Variants in TNN observed in about 807,000 individuals in gnomAD.
TNN encodes tenascin-N.
In TNN, 122 loss-of-function variants were observed where a neutral mutation model predicts 134.4. That is an observed-to-expected ratio of 0.91 (90% confidence interval 0.78 to 1.06). The LOEUF is 1.06. Among genes scored for constraint, TNN ranks in the 50% least tolerant of loss-of-function variants. The pLI is 0.00. For synonymous variants in TNN, 710 were observed against 670.3 expected, an observed-to-expected ratio of 1.06 and a Z score of -0.91; for missense variants, 1,739 against 1,699.4, an observed-to-expected ratio of 1.02 and a Z score of -0.41.
At chr1:175,109,686 T>C (rs927338027) in intron 9 of TNN, among the ~76,000 whole-genome samples, 13 of 148,830 alleles carry the variant, frequency 8.7e-5, no homozygotes, top group Middle Eastern at 3.6e-3. Flanking sequence ...TATATATATA[T>C]ACACATACAT....
intron 17 of TNN, among the ~76,000 whole-genome samples, chr1:175,141,681 G>A (rs1469583207): frequency 1.3e-5 from 2 of 152,144 alleles, no homozygotes; most frequent in Non-Finnish European, 2.9e-5. Flanking sequence ...CAGCTGCCTG[G>A]GCCATCTTTC....
At chr1:175,119,902 T>C (rs1477604396) in intron 11 of TNN, among the ~76,000 whole-genome samples, 1 of 152,166 alleles carries the variant, frequency 6.6e-6, no homozygotes, top group Non-Finnish European at 1.5e-5. Context: ...CCTCCCAAAG[T>C]GCTGGGATTA....
At chr1:175,105,936 A>T (rs1385069694) in intron 9 of TNN, among the ~76,000 whole-genome samples, 5 of 145,854 alleles carry the variant, frequency 3.4e-5, no homozygotes, top group Admixed American at 6.9e-5. Flanking sequence ...CTGCCCAAGA[A>T]CCTGCAACGG....
At chr1:175,084,693 G>A (rs1005053421) in intron 5 of TNN, among the ~76,000 whole-genome samples, 3 of 152,200 alleles carry the variant, frequency 2.0e-5, no homozygotes, top group Non-Finnish European at 4.4e-5. Flanking sequence ...GACATTTTGG[G>A]GTTCTTAGTG....
At chr1:175,119,739 A>G (rs1377809513) in intron 11 of TNN, among the ~76,000 whole-genome samples, 1 of 144,758 alleles carries the variant, frequency 6.9e-6, no homozygotes. Context: ...GGTTCATGCC[A>G]TTCTCCTGCC....
intron 5 of TNN, among the ~76,000 whole-genome samples, chr1:175,084,794 A>G (rs984629187): frequency 6.6e-5 from 10 of 152,218 alleles, no homozygotes; most frequent in Non-Finnish European, 1.2e-4. Flanking sequence ...GTGCCCAAGG[A>G]AAAATAATTC....
intron 9 of TNN, among the ~76,000 whole-genome samples, chr1:175,109,559 T>C (rs1183725333): frequency 6.6e-6 from 1 of 151,974 alleles, no homozygotes; most frequent in Non-Finnish European, 1.5e-5. Flanking sequence ...GCCTGGCTTA[T>C]TTCACTTAAC....
chr1:175,120,252 G>A (rs1234383549), intron 11 of TNN, among the ~76,000 whole-genome samples: 2 of 152,178 alleles, frequency 1.3e-5, no homozygotes, highest in Non-Finnish European at 2.9e-5. Context: ...AGTCTAGAGT[G>A]AAGATAGACA....
chr1:175,128,245 G>T, intron 14 of TNN, 81 bp downstream of exon 14: 1 of 1,276,280 alleles, frequency 7.8e-7, no homozygotes. Flanking sequence ...CCAGGGAGGA[G>T]CAAGTGGATG....
intron 7 of TNN, among the ~76,000 whole-genome samples, 182 bp downstream of exon 7, chr1:175,094,435 A>G (rs12068982): frequency 0.17 from 25,251 of 152,182 alleles, 2,192 homozygotes; most frequent in Non-Finnish European, 0.19. Context: ...ATCAAACAAA[A>G]GAGATCAGCT....
rs1357049643 is a variant in TNN, at chr1:175,147,155, G to C, written c.*84G>C. 14 of 1,300,922 alleles carry C rather than the reference G, an allele frequency of 1.1e-5. No homozygotes were observed. In the African/African-American group the frequency reaches 1.5e-4, roughly 14 times the overall value. The allele number at this position is 1,300,922 out of a possible 1,614,324, so 80.6% of individuals were successfully genotyped here. A position where few individuals can be genotyped will look rare whatever the true frequency, so the allele number is the denominator to read the frequency against. ...GTGGGTAGTGGTCACTGCGGTCTGG[G>C]AGTGCTCAGATAGCCCGCAGAACAA... On this transcript the variant is annotated 3_prime_UTR_variant, in exon 19 of 19. Transcript: ENST00000239462.
Position 175,147,218 on chromosome 1 carries a change from C to A in TNN, c.*147C>A. On this transcript the variant is annotated 3_prime_UTR_variant, in exon 19 of 19. Coordinates refer to ENST00000239462, the MANE Select transcript of TNN (RefSeq NM_022093.2). ...AGCTTCAAGCCATGGAGGTTCCTTCCCTCTCACCTGCATTTTTGCCCGTCT... is the reference window on the plus strand; with the variant it reads ...AGCTTCAAGCCATGGAGGTTCCTTCACTCTCACCTGCATTTTTGCCCGTCT... 1 of 795,140 alleles carries A rather than the reference C, an allele frequency of 1.3e-6. No homozygotes were observed. Among genetic ancestry groups the A allele is most frequent in the Non-Finnish European group, 1.8e-6 (1 of 560,284 alleles). The allele number at this position is 795,140 out of a possible 1,614,324, so 49.3% of individuals were successfully genotyped here.
rs6694078 is a variant in TNN at position 175,118,749 on chromosome 1, A to G, written c.2575A>G (p.Met859Val). 261,772 of 1,613,974 alleles carry G rather than the reference A, an allele frequency of 0.16. 22,836 individuals are homozygous for G. Among genetic ancestry groups the G allele is most frequent in the East Asian group, 0.33 (14,625 of 44,838 alleles). ...TGTCCTGACGGGCCTGAGGCCGGGC[A>G]TGGAGTACACGGTGCACGTGTGGGC... ...STVLTGLRPG[M>V]EYTVHVWAQK... The change falls in exon 11 of 19, where the codon ATG becomes GTG. Residue 859 changes from methionine (M) to valine (V), a missense_variant. Transcript: ENST00000239462.
chr1:175,120,953 A>G (rs1675358607), intron 11 of TNN, among the ~76,000 whole-genome samples: 1 of 152,236 alleles, frequency 6.6e-6, no homozygotes, highest in East Asian at 1.9e-4. Context: ...GGCACGTGCC[A>G]CTAAACCTGT....
At position 175,144,502 on chromosome 1, in the gene TNN, C is replaced by A; in HGVS notation, c.3711C>A (p.Cys1237Ter). Residue 1237 changes from cysteine to a stop codon, truncating the protein, a stop_gained, in exon 18 of 19, where the codon TGC becomes TGA. Coordinates refer to ENST00000239462, the MANE Select transcript of TNN (RefSeq NM_022093.2). LOFTEE classifies it high-confidence loss of function. ...ATGGTGGCTGGTGGTATAAGAACTG[C>A]CACTTGGCCAACCCTAATGGCAGAT... ...THHGGWWYKN[C>*]HLANPNGRYG... is the part of the protein sequence containing the mutation. 6.2e-7 allele frequency: 1 copy of A among 1,614,254 alleles called. No individual in the cohort carries two copies. The highest frequency in any genetic ancestry group is 8.5e-7 in the Non-Finnish European group (1 of 1,180,042).
chr1:175,113,220 C>T (rs1051264799), intron 9 of TNN, among the ~76,000 whole-genome samples: 1 of 152,304 alleles, frequency 6.6e-6, no homozygotes, highest in Admixed American at 6.5e-5. Context: ...CTCCCTTGAG[C>T]ATTTCTTGTA....
intron 17 of TNN, among the ~76,000 whole-genome samples, chr1:175,141,994 G>A (rs915471937): frequency 1.3e-5 from 2 of 152,134 alleles, no homozygotes; most frequent in Admixed American, 6.5e-5. Context: ...GAGAGCCTCT[G>A]CACAGATTCT....
intron 1 of TNN, among the ~76,000 whole-genome samples, chr1:175,072,826 C>A (rs2149424658): frequency 1.3e-5 from 2 of 151,444 alleles, no homozygotes; most frequent in South Asian, 4.2e-4. Context: ...AGGGCTCCAA[C>A]AGGGACTTGT....
intron 9 of TNN, among the ~76,000 whole-genome samples, chr1:175,108,480 C>CGATGGGA (rs1346617117): frequency 6.6e-6 from 1 of 152,216 alleles, no homozygotes; most frequent in Non-Finnish European, 1.5e-5. Flanking sequence ...CTTGGGTGGT[C>CGATGGGA]GATGGGACTG....
Sources: gnomAD v4.1 joint callset for allele counts (sites outside exome capture counted in the v4.1 genomes callset) on GRCh38, gnomAD v4.1.1 for gene constraint, MANE v1.5 for transcripts, NCBI Gene and HGNC (gene_info 2026-07-23, HGNC 2026-07-21) for gene names.